CTNNA3: variants seen among roughly 807,000 people sequenced by gnomAD.
CTNNA3 encodes the protein catenin alpha 3, also known as catenin alpha-3.
In CTNNA3, 76 loss-of-function variants were observed where a neutral mutation model predicts 95.7. The ratio of observed to expected loss-of-function variants is 0.79; its 90% CI spans 0.66 to 0.96. The LOEUF (loss-of-function observed/expected upper bound fraction) is 0.96. CTNNA3 is among the 40% of genes least tolerant of loss of function. CTNNA3 has a pLI of 0.00. For missense variants in CTNNA3, 1,191 were observed against 1,089.8 expected (o/e 1.09, Z -1.31); for synonymous variants, 431 against 374.4 (o/e 1.15, Z -1.74).
intron 13 of CTNNA3, among the ~76,000 whole-genome samples, chr10:66,265,776 G>T (rs2091132874): frequency 6.6e-6 from 1 of 151,862 alleles, no homozygotes; most frequent in Admixed American, 6.6e-5. Flanking sequence ...TTATCTCTTA[G>T]GCCAATTTTC....
At chr10:66,722,222 C>T (rs1848650261) in intron 9 of CTNNA3, among the ~76,000 whole-genome samples, 1 of 151,792 alleles carries the variant, frequency 6.6e-6, no homozygotes, top group South Asian at 2.1e-4. Context: ...ACTAAAAATA[C>T]AAAAAATTAG....
At chr10:67,044,129 G>A (rs894997106) in intron 7 of CTNNA3, among the ~76,000 whole-genome samples, 4 of 151,566 alleles carry the variant, frequency 2.6e-5, no homozygotes, top group Admixed American at 6.6e-5. Flanking sequence ...AGTGTCTATT[G>A]TTCCCATTTT....
intron 5 of CTNNA3, among the ~76,000 whole-genome samples, chr10:67,488,211 A>T (rs1340757646): frequency 1.3e-5 from 2 of 152,204 alleles, no homozygotes; most frequent in Non-Finnish European, 2.9e-5. Flanking sequence ...AGAACAGTAC[A>T]GGGATACAAG....
At chr10:67,621,534 G>A (rs368058980) in intron 2 of CTNNA3, among the ~76,000 whole-genome samples, 1 of 152,096 alleles carries the variant, frequency 6.6e-6, no homozygotes, top group Non-Finnish European at 1.5e-5. Context: ...CGGATCACGA[G>A]GTCAGGAGTT....
intron 12 of CTNNA3, among the ~76,000 whole-genome samples, chr10:66,368,636 G>A (rs1391106691): frequency 1.3e-5 from 2 of 151,696 alleles, no homozygotes; most frequent in Admixed American, 6.6e-5. Context: ...GTGGAGATAC[G>A]GCAAATACAT....
At chr10:67,041,565 G>A (rs1378159844) in intron 7 of CTNNA3, among the ~76,000 whole-genome samples, 5 of 151,996 alleles carry the variant, frequency 3.3e-5, no homozygotes, top group African/African-American at 4.8e-5. Flanking sequence ...TATAGTAATT[G>A]ACTGGCTCAT....
intron 5 of CTNNA3, among the ~76,000 whole-genome samples, chr10:67,258,822 A>G (rs1356916011): frequency 6.6e-6 from 1 of 152,142 alleles, no homozygotes; most frequent in Non-Finnish European, 1.5e-5. Context: ...TCCCTCAAGA[A>G]TATGTTTGTC....
chr10:67,219,552 A>G, intron 6 of CTNNA3, 55 bp downstream of exon 6: 1 of 1,503,030 alleles, frequency 6.7e-7, no homozygotes, highest in African/African-American at 1.4e-5. Flanking sequence ...CTGTTTTATT[A>G]TTATTATTAC....
intron 3 of CTNNA3, among the ~76,000 whole-genome samples, chr10:67,567,930 C>T (rs867091407): frequency 6.6e-6 from 1 of 152,026 alleles, no homozygotes; most frequent in East Asian, 1.9e-4. Context: ...AAAAGAAATG[C>T]TATGGTATTT....
At chr10:67,413,908 C>T (rs1412985994) in intron 5 of CTNNA3, among the ~76,000 whole-genome samples, 1 of 151,814 alleles carries the variant, frequency 6.6e-6, no homozygotes, top group African/African-American at 2.4e-5. Context: ...CACAACTTAC[C>T]AAAATCTCTG....
chr10:67,041,849 A>C (rs115241201), intron 7 of CTNNA3, among the ~76,000 whole-genome samples: 4,570 of 152,256 alleles, frequency 0.03, 242 homozygotes, highest in African/African-American at 0.1. Context: ...ATTCAGGTTA[A>C]GATAGGAAAT....
At chr10:67,364,564 C>T (rs1843134507) in intron 5 of CTNNA3, among the ~76,000 whole-genome samples, 1 of 152,134 alleles carries the variant, frequency 6.6e-6, no homozygotes, top group Non-Finnish European at 1.5e-5. Flanking sequence ...AAATCACAAG[C>T]ATTCCTATAC....
intron 11 of CTNNA3, among the ~76,000 whole-genome samples, chr10:66,429,686 T>C (rs1564954675): frequency 6.6e-6 from 1 of 152,204 alleles, no homozygotes; most frequent in East Asian, 1.9e-4. Flanking sequence ...GAAAAGGTCT[T>C]TGACAAAATT....
At chr10:66,623,767 G>A (rs938506283) in intron 9 of CTNNA3, among the ~76,000 whole-genome samples, 1 of 152,060 alleles carries the variant, frequency 6.6e-6, no homozygotes, top group South Asian at 2.1e-4. Context: ...TACAAACAAG[G>A]TCGAATTTTA....
chr10:67,410,191 T>C (rs1327290902), intron 5 of CTNNA3, among the ~76,000 whole-genome samples: 1 of 152,106 alleles, frequency 6.6e-6, no homozygotes, highest in Non-Finnish European at 1.5e-5. Context: ...AGGAATGAGA[T>C]CATGTCACTT....
At chr10:66,709,501 G>T (rs1218721302) in intron 9 of CTNNA3, among the ~76,000 whole-genome samples, 1 of 147,426 alleles carries the variant, frequency 6.8e-6, no homozygotes, top group African/African-American at 2.4e-5. Context: ...CTAAGGTTTA[G>T]TTTTTGCCAT....
intron 7 of CTNNA3, among the ~76,000 whole-genome samples, chr10:67,106,585 A>G (rs1479045581): frequency 1.3e-5 from 2 of 152,204 alleles, no homozygotes; most frequent in African/African-American, 4.8e-5. Flanking sequence ...TAATCCTATG[A>G]AGTAGATACT....
At chr10:67,420,630 C>G (rs1180503087) in intron 5 of CTNNA3, among the ~76,000 whole-genome samples, 2 of 152,118 alleles carry the variant, frequency 1.3e-5, no homozygotes, top group African/African-American at 4.8e-5. Context: ...AGTTAGCTCA[C>G]ATTATTATAT....
At chr10:66,576,149 G>A (rs1015605302) in intron 10 of CTNNA3, among the ~76,000 whole-genome samples, 1 of 151,980 alleles carries the variant, frequency 6.6e-6, no homozygotes, top group Admixed American at 6.6e-5. Flanking sequence ...AAGATATCTT[G>A]TACAATCCAA....
Sources: gnomAD v4.1 joint callset for allele counts (sites outside exome capture counted in the v4.1 genomes callset) on GRCh38, gnomAD v4.1.1 for gene constraint, MANE v1.5 for transcripts, NCBI Gene and HGNC (gene_info 2026-07-23, HGNC 2026-07-21) for gene names.